ESRRB: variants seen among roughly 807,000 people sequenced by gnomAD.
ESRRB encodes the protein estrogen related receptor beta.
A neutral mutation model predicts 46.0 loss-of-function variants in ESRRB; 16 were observed. That is an observed-to-expected ratio of 0.35 (90% CI 0.24 to 0.53). ESRRB has a LOEUF of 0.53. Among genes scored for constraint, ESRRB ranks in the 20% least tolerant of loss-of-function variants. The pLI, the probability that ESRRB is intolerant of heterozygous loss-of-function variation, is 0.93. For synonymous variants in ESRRB, 246 were observed against 259.6 expected, an observed-to-expected ratio of 0.95 and a Z score of 0.50; for missense variants, 488 against 607.4, an observed-to-expected ratio of 0.80 and a Z score of 2.07.
rs533437168 is a variant in ESRRB, at chr14:76,396,916, G to T, written c.50+20465G>T. Among the ~76,000 whole-genome samples the T allele has an allele frequency of 2.6e-5, 4 of 152,376 alleles. No homozygotes were observed. The East Asian group carries it at 7.7e-4, about 29-fold the overall frequency. ...AGCCAGGCCGAGGGAGTCGCTGGAG[G>T]ATCGTGACTACCCGAGTGGGTGGTT... On this transcript the variant is annotated intron_variant, in intron 1 of 6. Coordinates refer to ENST00000644823, the MANE Select transcript of ESRRB (RefSeq NM_001379180.1).
At chr14:76,381,235 T>A (rs564441607) in intron 1 of ESRRB, among the ~76,000 whole-genome samples, 1 of 152,118 alleles carries the variant, frequency 6.6e-6, no homozygotes, top group Non-Finnish European at 1.5e-5. Context: ...ATTGCAAATG[T>A]AATTAGCAGA....
intron 1 of ESRRB, among the ~76,000 whole-genome samples, chr14:76,340,936 C>T (rs1368249380): frequency 6.6e-6 from 1 of 152,110 alleles, no homozygotes; most frequent in Non-Finnish European, 1.5e-5. Flanking sequence ...TCTCTCTGAG[C>T]CTCAGTTTCC....
intron 1 of ESRRB, among the ~76,000 whole-genome samples, chr14:76,324,961 T>C (rs1566851366): frequency 8.7e-6 from 1 of 114,308 alleles, no homozygotes; most frequent in Non-Finnish European, 1.8e-5. Flanking sequence ...CTTTTTCTTT[T>C]TCTTTTTTTT....
intron 6 of ESRRB, among the ~76,000 whole-genome samples, chr14:76,496,129 GCCAC>G (rs1890417378): frequency 6.6e-6 from 1 of 152,214 alleles, no homozygotes; most frequent in South Asian, 2.1e-4. Flanking sequence ...TAAGGCTGTG[GCCAC>G]CGTGCTTGGC....
chr14:76,464,744 G>A (rs1049658296), intron 3 of ESRRB, among the ~76,000 whole-genome samples: 1 of 152,122 alleles, frequency 6.6e-6, no homozygotes, highest in African/African-American at 2.4e-5. Flanking sequence ...TCCTGGATAG[G>A]ATGACCCAAA....
chr14:76,428,456 A>G (rs2139905762), intron 1 of ESRRB, among the ~76,000 whole-genome samples: 1 of 152,302 alleles, frequency 6.6e-6, no homozygotes, highest in Admixed American at 6.5e-5. Flanking sequence ...TGAATTTTCG[A>G]TGTCCTTCCC....
chr14:76,475,887 G>A (rs1376607865), intron 3 of ESRRB, among the ~76,000 whole-genome samples: 2 of 152,144 alleles, frequency 1.3e-5, no homozygotes, highest in African/African-American at 2.4e-5. Flanking sequence ...TGAGATAATT[G>A]CAGATTCACA....
rs544525956 is a variant in ESRRB, at chr14:76,321,579, C to A, written c.2+10663C>A. The stretch of plus-strand genomic sequence containing the variant: ...ATCATGACATTTCCCTAAGACATTT[C>A]TTTATTGTTTCCTTACCTTGTTGTC... On this transcript the variant is annotated intron_variant, in intron 1 of 6. Coordinates refer to the ESRRB transcript ENST00000512784. Among the ~76,000 whole-genome samples the A allele has an allele frequency of 2.0e-5, 3 of 152,282 alleles. No individual in the cohort carries two copies. In the South Asian group the frequency reaches 6.2e-4, roughly 32 times the overall value.
intron 1 of ESRRB, among the ~76,000 whole-genome samples, chr14:76,315,465 G>T (rs892205154): frequency 6.6e-6 from 1 of 152,134 alleles, no homozygotes; most frequent in African/African-American, 2.4e-5. Flanking sequence ...AAATCCTGGC[G>T]CTCACCTTTC....
At chr14:76,341,377 T>C (rs939323559) in intron 1 of ESRRB, among the ~76,000 whole-genome samples, 1 of 152,232 alleles carries the variant, frequency 6.6e-6, no homozygotes, top group Non-Finnish European at 1.5e-5. Flanking sequence ...CACACCTCAC[T>C]GGCGGGGGCT....
At chr14:76,414,579 C>A (rs1886609423) in intron 1 of ESRRB, among the ~76,000 whole-genome samples, 1 of 150,666 alleles carries the variant, frequency 6.6e-6, no homozygotes. Flanking sequence ...TGTCTCAGAT[C>A]CCCACTCCCC....
chr14:76,380,254 A>G (rs1017506810), intron 1 of ESRRB, among the ~76,000 whole-genome samples: 1 of 152,164 alleles, frequency 6.6e-6, no homozygotes, highest in Non-Finnish European at 1.5e-5. Context: ...GGCCGGAGGA[A>G]GGATGCGTGT....
chr14:76,344,511 A>T (rs1884226269), intron 1 of ESRRB, among the ~76,000 whole-genome samples: 1 of 151,896 alleles, frequency 6.6e-6, no homozygotes. Context: ...TATCAGTGAG[A>T]ACATATGATG....
chr14:76,393,513 A>T (rs879345201), intron 1 of ESRRB, among the ~76,000 whole-genome samples: 1 of 152,200 alleles, frequency 6.6e-6, no homozygotes, highest in African/African-American at 2.4e-5. Context: ...TGACTTCAAG[A>T]CTTTGCATGA....
intron 1 of ESRRB, among the ~76,000 whole-genome samples, chr14:76,327,921 C>A (rs949463501): frequency 5.9e-5 from 9 of 151,940 alleles, no homozygotes; most frequent in Admixed American, 5.9e-4. Flanking sequence ...ACCATGTTGG[C>A]CAGGCTGGTC....
At chr14:76,456,036 T>TCGCG (rs1204718857) in intron 2 of ESRRB, among the ~76,000 whole-genome samples, 4 of 93,072 alleles carry the variant, frequency 4.3e-5, no homozygotes, top group African/African-American at 2.2e-4. Context: ...AGAGCGAAAC[T>TCGCG]CGCACACACA....
intron 1 of ESRRB, among the ~76,000 whole-genome samples, chr14:76,431,614 T>C (rs1887449683): frequency 6.6e-6 from 1 of 152,054 alleles, no homozygotes; most frequent in South Asian, 2.1e-4. Context: ...GAGGCCACGT[T>C]TAATCAGATG....
At chr14:76,375,927 A>T (rs1367702519), upstream of ESRRB, among the ~76,000 whole-genome samples, 1 of 123,624 alleles carries the variant, frequency 8.1e-6, no homozygotes, top group African/African-American at 3.1e-5. Flanking sequence ...GGCAGGCCTT[A>T]GGGCTCTAAC....
rs534984380 is a variant in ESRRB, at chr14:76,379,610, T to A, written c.50+3159T>A. Among the ~76,000 whole-genome samples, 5 of 151,904 alleles carry A rather than the reference T, an allele frequency of 3.3e-5. No individual in the cohort carries two copies. In the East Asian group the frequency reaches 9.7e-4, roughly 29 times the overall value. On this transcript the variant is annotated intron_variant, in intron 1 of 6. Coordinates refer to ENST00000644823, the MANE Select transcript of ESRRB (RefSeq NM_001379180.1). ...TATGTGCCTGTCAGCCTTCTGGAGG[T>A]GTGCGCTGCCATGGAAGAGGATGGG...
Sources: gnomAD v4.1 joint callset for allele counts (sites outside exome capture counted in the v4.1 genomes callset) on GRCh38, gnomAD v4.1.1 for gene constraint, MANE v1.5 for transcripts, NCBI Gene and HGNC (gene_info 2026-07-23, HGNC 2026-07-21) for gene names.